Variants in UGT8 observed in about 807,000 individuals in gnomAD.
The protein encoded by UGT8 is 2-hydroxyacylsphingosine 1-beta-galactosyltransferase.
A neutral mutation model predicts 40.5 loss-of-function variants in UGT8; 12 were observed. The ratio of observed to expected loss-of-function variants is 0.30; its 90% confidence interval spans 0.19 to 0.48. The LOEUF (loss-of-function observed/expected upper bound fraction) is 0.48, where lower values mean the gene tolerates loss of function less well. UGT8 is among the 20% of genes least tolerant of loss of function. The pLI is 0.99. For missense variants in UGT8, 513 were observed against 648.7 expected, an observed-to-expected ratio of 0.79 and a Z score of 2.27; for synonymous variants, 224 against 240.4, an observed-to-expected ratio of 0.93 and a Z score of 0.63.
chr4:114,604,075 A>T (rs1730593738), intron 1 of UGT8, among the ~76,000 whole-genome samples: 1 of 152,160 alleles, frequency 6.6e-6, no homozygotes, highest in Admixed American at 6.5e-5. Flanking sequence ...TTGCCTCAAG[A>T]GCGTTGCAGA....
chr4:114,616,124 A>G (rs1378704866), intron 1 of UGT8, among the ~76,000 whole-genome samples: 1 of 152,176 alleles, frequency 6.6e-6, no homozygotes, highest in Non-Finnish European at 1.5e-5. Flanking sequence ...CTCTCTTCAA[A>G]GCTGTCAGAC....
chr4:114,634,889 A>G (rs1732792699), intron 2 of UGT8, among the ~76,000 whole-genome samples: 1 of 152,226 alleles, frequency 6.6e-6, no homozygotes, highest in South Asian at 2.1e-4. Context: ...ATTAAAATAC[A>G]GACTTCCATT....
intron 2 of UGT8, chr4:114,656,795 A>G (rs1351340496): frequency 5.7e-6 from 3 of 524,330 alleles, no homozygotes; most frequent in Non-Finnish European, 1.2e-5. Context: ...TTGGTACCTG[A>G]TGAATCTGAG....
rs115188769 is a variant in UGT8 at position 114,657,873 on chromosome 4, G to A, written c.823-6122G>A. Among the ~76,000 whole-genome samples, 296 of 152,222 alleles carry A rather than the reference G, an allele frequency of 1.9e-3. 3 individuals carry two copies. Among genetic ancestry groups the A allele is most frequent in the African/African-American group, 6.6e-3 (273 of 41,540 alleles). On this transcript the variant is annotated intron_variant, in intron 2 of 5. Transcript: ENST00000310836. ...GTATCGTAAGTGTTTTTAGAGATGA[G>A]GAAGCTGGGCCTCAGAGAGAATAGG...
intron 2 of UGT8, 66 bp from the exon 3 acceptor site, chr4:114,663,929 G>T (rs967621966): frequency 1.9e-6 from 3 of 1,574,822 alleles, no homozygotes; most frequent in African/African-American, 1.4e-5. Flanking sequence ...TAACTGGGCT[G>T]TTAATAACAC....
intron 2 of UGT8, among the ~76,000 whole-genome samples, chr4:114,662,805 T>C (rs1734623393): frequency 6.9e-6 from 1 of 145,846 alleles, no homozygotes; most frequent in Admixed American, 7.0e-5. Flanking sequence ...AGTGATGCCA[T>C]TGTGACCATG....
At chr4:114,634,971 A>G (rs1186658953) in intron 2 of UGT8, among the ~76,000 whole-genome samples, 2 of 151,688 alleles carry the variant, frequency 1.3e-5, no homozygotes, top group Admixed American at 6.6e-5. Flanking sequence ...CTTGCAGAGG[A>G]TGGACAAGTG....
At chr4:114,648,839 A>G (rs1158040344) in intron 2 of UGT8, among the ~76,000 whole-genome samples, 1 of 152,178 alleles carries the variant, frequency 6.6e-6, no homozygotes, top group East Asian at 1.9e-4. Context: ...AAAACATATG[A>G]ATTGCTTCAA....
rs141395297 is a variant in UGT8, at chr4:114,635,682, C to T, written c.822+11980C>T. 6.1e-3 allele frequency among the ~76,000 whole-genome samples: 932 copies of T among 152,172 alleles called. 12 individuals are homozygous for T. The highest frequency in any genetic ancestry group is 0.021 in the African/African-American group (890 of 41,528). The stretch of plus-strand genomic sequence containing the variant: ...TATTTTGGTAAAGTTCAAATGCTTT[C>T]CCCCCTCATAAAAAAGATCCATTTA... On this transcript the variant is annotated intron_variant, in intron 2 of 5. Coordinates refer to ENST00000310836, the MANE Select transcript of UGT8 (RefSeq NM_001128174.3).
At chr4:114,609,281 C>T (rs1443600452) in intron 1 of UGT8, among the ~76,000 whole-genome samples, 1 of 152,064 alleles carries the variant, frequency 6.6e-6, no homozygotes, top group Non-Finnish European at 1.5e-5. Flanking sequence ...AAGAAAATTC[C>T]TCAGCTAAAG....
At chr4:114,673,355 G>T (rs1376154628) in intron 5 of UGT8, among the ~76,000 whole-genome samples, 1 of 152,152 alleles carries the variant, frequency 6.6e-6, no homozygotes, top group African/African-American at 2.4e-5. Flanking sequence ...GTTGATCCAT[G>T]GACCTCCTCT....
chr4:114,614,841 T>C (rs1055984505), intron 1 of UGT8, among the ~76,000 whole-genome samples: 933 of 11,602 alleles, frequency 0.08, 12 homozygotes, highest in African/African-American at 0.13. Context: ...GGTGCCAGAC[T>C]TTTTTTTTTT....
rs1198847513 is a variant in UGT8 at position 114,676,424 on chromosome 4, T to C, written c.*136T>C. Reference sequence around the variant, plus strand: ...CCCTTATGAGATCTACTAATGAAATTCTGTGGAATTAAGATGGCTGTAAAA... The same window carrying C: ...CCCTTATGAGATCTACTAATGAAATCCTGTGGAATTAAGATGGCTGTAAAA... On this transcript the variant is annotated 3_prime_UTR_variant, in exon 6 of 6. Coordinates refer to ENST00000310836, the MANE Select transcript of UGT8 (RefSeq NM_001128174.3). The C allele has an allele frequency of 1.4e-6, 1 of 729,910 alleles. No individual in the cohort carries two copies. The highest frequency in any genetic ancestry group is 2.7e-5 in the East Asian group (1 of 37,124). 45.2% of individuals were successfully genotyped at this position (729,910 alleles called of 1,614,324 possible). A position where few individuals can be genotyped will look rare whatever the true frequency, so the allele number is the denominator to read the frequency against.
chr4:114,666,450 T>C (rs1734885637), intron 4 of UGT8, among the ~76,000 whole-genome samples: 1 of 152,126 alleles, frequency 6.6e-6, no homozygotes, highest in Non-Finnish European at 1.5e-5. Flanking sequence ...ATGTATATAA[T>C]TTATTTTCAT....
At chr4:114,667,592 T>G (rs1211479974) in intron 4 of UGT8, among the ~76,000 whole-genome samples, 14 of 152,212 alleles carry the variant, frequency 9.2e-5, no homozygotes, top group Admixed American at 6.5e-4. Flanking sequence ...TTGAATGTTG[T>G]GAATAGTGAT....
Position 114,665,701 on chromosome 4 carries a change from G to C in UGT8, c.987G>C (p.Lys329Asn). Residue 329 changes from lysine (K) to asparagine (N), a missense_variant, in exon 4 of 6, where the codon AAG (lysine) becomes AAC (asparagine). Transcript: ENST00000310836. ...VIWRFSGPKP[K>N]NLGNNTKLIE... is the part of the protein sequence containing the mutation. ...TTAGGTTTTCTGGACCCAAACCAAA[G>C]AATCTAGGAAACAACACTAAACTCA... 1 of 1,606,678 alleles carries C rather than the reference G, an allele frequency of 6.2e-7. No individual in the cohort carries two copies. Among genetic ancestry groups the C allele is most frequent in the Non-Finnish European group, 8.5e-7 (1 of 1,177,110 alleles).
intron 3 of UGT8, chr4:114,665,285 A>G (rs1734785786): frequency 1.6e-6 from 1 of 622,692 alleles, no homozygotes; most frequent in African/African-American, 2.0e-5. Context: ...GGATTTAGGG[A>G]TATTGACTGC....
At chr4:114,673,073 A>T (rs1419658406) in intron 5 of UGT8, among the ~76,000 whole-genome samples, 2 of 152,192 alleles carry the variant, frequency 1.3e-5, no homozygotes, top group Non-Finnish European at 2.9e-5. Context: ...GTAAAATTTA[A>T]TGTACATGTG....
At chr4:114,666,019 A>G (rs1176850549) in intron 4 of UGT8, among the ~76,000 whole-genome samples, 6 of 152,116 alleles carry the variant, frequency 3.9e-5, no homozygotes, top group African/African-American at 1.2e-4. Context: ...ATCAATTTTA[A>G]TTATCTGGAA....
Sources: gnomAD v4.1 joint callset for allele counts (sites outside exome capture counted in the v4.1 genomes callset) on GRCh38, gnomAD v4.1.1 for gene constraint, MANE v1.5 for transcripts, NCBI Gene and HGNC (gene_info 2026-07-23, HGNC 2026-07-21) for gene names.